The following NINJ1 variants were observed in gnomAD, a reference collection of about 807,000 sequenced individuals.
The protein encoded by NINJ1 is ninjurin 1.
Under a neutral mutation model 12.7 loss-of-function variants are expected in NINJ1, and 6 were observed. The ratio of observed to expected loss-of-function variants is 0.47; its 90% CI spans 0.26 to 0.93. NINJ1 has a LOEUF of 0.93. Among genes scored for constraint, NINJ1 ranks in the 40% least tolerant of loss-of-function variants. The probability of loss-of-function intolerance (pLI) is 0.15; values close to 1 mark genes in which losing one functional copy is unlikely to be tolerated. For synonymous variants in NINJ1, 100 were observed against 96.0 expected, an observed-to-expected ratio of 1.04 and a Z score of -0.25; for missense variants, 170 against 213.0, an observed-to-expected ratio of 0.80 and a Z score of 1.26.
At chr9:93,125,187 G>A (rs1245682248) in intron 2 of NINJ1, 125 bp from the exon 3 acceptor site, 8 of 899,460 alleles carry the variant, frequency 8.9e-6, no homozygotes, top group East Asian at 2.8e-5. Flanking sequence ...GCTCTCAGTC[G>A]CATTTAGGAT....
intron 3 of NINJ1, among the ~76,000 whole-genome samples, chr9:93,122,510 T>G (rs1006861300): frequency 1.4e-5 from 2 of 143,168 alleles, no homozygotes; most frequent in Admixed American, 6.9e-5. Flanking sequence ...AGCCAGGCTG[T>G]GACAAGCCCC....
At chr9:93,128,682 CCTTATG>C (rs1827847455) in intron 1 of NINJ1, among the ~76,000 whole-genome samples, 1 of 152,230 alleles carries the variant, frequency 6.6e-6, no homozygotes, top group Admixed American at 6.5e-5. Flanking sequence ...TCAAGGCCAC[CCTTATG>C]CTCATTCGGG....
In NINJ1 at chr9:93,121,634, C is replaced by A. The variant is rs1827739030; in HGVS notation, c.*606G>T. 6.6e-6 allele frequency: 1 copy of A among 152,348 alleles called. No individual in the cohort carries two copies. The highest frequency in any genetic ancestry group is 2.4e-5 in the African/African-American group (1 of 41,470). 9.4% of individuals were successfully genotyped at this position (152,348 alleles called of 1,614,324 possible). On this transcript the variant is annotated 3_prime_UTR_variant, in exon 4 of 4. Coordinates refer to ENST00000375446, the MANE Select transcript of NINJ1 (RefSeq NM_004148.4). ...ATACAAGGTCTACGGCCCTCACAGG[C>A]CTGACTGGCTCCCTCTTGATGGCCA... is the stretch of plus-strand genomic sequence containing the variant.
chr9:93,133,172 C>T (rs1827922559), intron 1 of NINJ1, among the ~76,000 whole-genome samples: 2 of 152,178 alleles, frequency 1.3e-5, no homozygotes, highest in African/African-American at 4.8e-5. Context: ...CATGCAGCCC[C>T]AGGGCCATCC....
intron 3 of NINJ1, among the ~76,000 whole-genome samples, chr9:93,124,294 A>G (rs1257839691): frequency 1.3e-5 from 2 of 152,158 alleles, no homozygotes; most frequent in Non-Finnish European, 2.9e-5. Flanking sequence ...GTGTTTTTTG[A>G]GACAGAGTCT....
Position 93,126,603 on chromosome 9 carries a change from G to A in NINJ1, c.111C>T (p.Asn37=), listed in dbSNP as rs1313640366. 20 of 1,611,412 alleles carry A rather than the reference G, an allele frequency of 1.2e-5. No homozygotes were observed. Among genetic ancestry groups the A allele is most frequent in the African/African-American group, 4.0e-5 (3 of 74,846 alleles). The change falls in exon 2 of 4, where the codon AAC becomes AAT. Residue 37 remains asparagine (N), a synonymous_variant. Transcript: ENST00000375446. ...ARWGWRHGPI[N]VNHYASKKSA... ...TCTTCTTGCTGGCGTAATGGTTCAC[G>A]TTGATGGGCCCGTGCCTCCAGCCCC...
In NINJ1 at chr9:93,134,116, C is replaced by T. The variant is rs759810169; in HGVS notation, c.75+27G>A. On this transcript the variant is annotated intron_variant, in intron 1 of 3. Transcript: ENST00000375446. ...CCGAAAGGACAGGGCCTGGCAAGAT[C>T]ATGCAGCGGTGGGGGGAAGGTCTTA... The T allele has an allele frequency of 9.2e-6, 14 of 1,526,200 alleles. No individual in the cohort carries two copies. The South Asian group carries it at 1.7e-4, about 19-fold the overall frequency. The allele number at this position is 1,526,200 out of a possible 1,614,324, so 94.5% of individuals were successfully genotyped here.
intron 1 of NINJ1, among the ~76,000 whole-genome samples, chr9:93,133,807 G>C (rs1827933755): frequency 6.6e-6 from 1 of 152,134 alleles, no homozygotes. Flanking sequence ...GTGGGGGGGA[G>C]GTCGGGAAAG....
chr9:93,128,110 GCTCT>G (rs1417074619), intron 1 of NINJ1, among the ~76,000 whole-genome samples: 2 of 152,308 alleles, frequency 1.3e-5, no homozygotes, highest in South Asian at 2.1e-4. Flanking sequence ...AGCATCAGCT[GCTCT>G]CTAAGTAGCA....
At chr9:93,130,715 T>C (rs1258449805) in intron 1 of NINJ1, among the ~76,000 whole-genome samples, 1 of 152,194 alleles carries the variant, frequency 6.6e-6, no homozygotes, top group Non-Finnish European at 1.5e-5. Context: ...TTTTCCTTGA[T>C]GCCTGGCTCT....
chr9:93,129,103 C>A (rs564154883), intron 1 of NINJ1, among the ~76,000 whole-genome samples: 22 of 152,314 alleles, frequency 1.4e-4, no homozygotes, highest in African/African-American at 4.8e-4. Flanking sequence ...GCTCTCAGCA[C>A]CCCCAGCCAC....
intron 3 of NINJ1, among the ~76,000 whole-genome samples, chr9:93,123,414 A>G (rs540412803): frequency 6.6e-6 from 1 of 152,168 alleles, no homozygotes; most frequent in East Asian, 1.9e-4. Flanking sequence ...CCTCCTGAGT[A>G]GCTGGGATTA....
chr9:93,124,159 C>T (rs536630418), intron 3 of NINJ1, among the ~76,000 whole-genome samples: 57 of 152,196 alleles, frequency 3.7e-4, no homozygotes, highest in Non-Finnish European at 6.6e-4. Flanking sequence ...GTCAGGCAGG[C>T]GGTCATACCA....
chr9:93,130,583 C>T (rs894472690), intron 1 of NINJ1, among the ~76,000 whole-genome samples: 1 of 152,190 alleles, frequency 6.6e-6, no homozygotes, highest in Non-Finnish European at 1.5e-5. Context: ...TCAACACTGA[C>T]CACTCTATGC....
intron 1 of NINJ1, 67 bp downstream of exon 1, chr9:93,134,076 G>C: frequency 7.6e-7 from 1 of 1,308,022 alleles, no homozygotes; most frequent in African/African-American, 1.5e-5. Context: ...CAGGTGCCCG[G>C]GGAGCCGCGG....
At chr9:93,132,783 G>A (rs999540722) in intron 1 of NINJ1, among the ~76,000 whole-genome samples, 2 of 152,224 alleles carry the variant, frequency 1.3e-5, no homozygotes, top group Admixed American at 6.5e-5. Flanking sequence ...CATCTCAGGA[G>A]GCACAGCCTA....
chr9:93,123,457 T>A (rs1276182853), intron 3 of NINJ1, among the ~76,000 whole-genome samples: 1 of 152,208 alleles, frequency 6.6e-6, no homozygotes, highest in African/African-American at 2.4e-5. Flanking sequence ...GCTAATTTTG[T>A]ATTTTTAGCA....
chr9:93,126,678 G>A, intron 1 of NINJ1, 40 bp from the exon 2 acceptor site: 2 of 1,512,640 alleles, frequency 1.3e-6, no homozygotes, highest in South Asian at 1.2e-5. Context: ...GGTGGGGGAG[G>A]GGGGCAAGGG....
chr9:93,125,245 A>C, intron 2 of NINJ1, 183 bp from the exon 3 acceptor site: 1 of 571,392 alleles, frequency 1.8e-6, no homozygotes, highest in South Asian at 2.6e-5. Flanking sequence ...TGAAACATGG[A>C]CAACAGCGCC....
Sources: gnomAD v4.1 joint callset for allele counts (sites outside exome capture counted in the v4.1 genomes callset) on GRCh38, gnomAD v4.1.1 for gene constraint, MANE v1.5 for transcripts, NCBI Gene and HGNC (gene_info 2026-07-23, HGNC 2026-07-21) for gene names.